Variants in ABLIM1 observed in about 807,000 individuals in gnomAD.
The protein encoded by ABLIM1 is actin-binding LIM protein 1.
A neutral mutation model predicts 107.0 loss-of-function variants in ABLIM1; 40 were observed. The observed-to-expected ratio is 0.37, with a 90% CI of 0.29 to 0.49. The LOEUF is 0.49. ABLIM1 is among the 20% of genes least tolerant of loss of function. The pLI, the probability that ABLIM1 is intolerant of heterozygous loss-of-function variation, is 0.97. For synonymous variants in ABLIM1, 357 were observed against 357.3 expected (o/e 1.00, Z 0.01); for missense variants, 857 against 1,008.5 (o/e 0.85, Z 2.04).
intron 6 of ABLIM1, among the ~76,000 whole-genome samples, chr10:114,540,738 A>G (rs982566808): frequency 1.3e-5 from 2 of 152,190 alleles, no homozygotes; most frequent in African/African-American, 4.8e-5. Flanking sequence ...CACCACACCT[A>G]GAGAGGCCTT....
chr10:114,495,545 C>T (rs377721531), intron 6 of ABLIM1, among the ~76,000 whole-genome samples: 2 of 151,804 alleles, frequency 1.3e-5, no homozygotes, highest in East Asian at 1.9e-4. Context: ...ACAGTGATGA[C>T]AACAATGAAG....
chr10:114,451,801 T>G, intron 13 of ABLIM1, 130 bp from the exon 14 acceptor site: 5 of 788,980 alleles, frequency 6.3e-6, no homozygotes, highest in Non-Finnish European at 8.3e-6. Context: ...ATTTCTGTAT[T>G]ACAAAGATTG....
At position 114,444,150 on chromosome 10, in the gene ABLIM1, A is replaced by T; in HGVS notation, c.1828-16T>A. ...CTGAGTTAAGCTATTCACAGAAAAA[A>T]GGAAAAAAAAAAAAAAAAGAAAGCA... On this transcript the variant is annotated splice_polypyrimidine_tract_variant and intron_variant, in intron 16 of 22. Coordinates refer to ENST00000533213, the MANE Select transcript of ABLIM1 (RefSeq NM_002313.7). 1 of 1,458,340 alleles carries T rather than the reference A, an allele frequency of 6.9e-7. No individual in the cohort carries two copies. Among genetic ancestry groups the T allele is most frequent in the Non-Finnish European group, 9.1e-7 (1 of 1,095,080 alleles). 90.3% of individuals were successfully genotyped at this position (1,458,340 alleles called of 1,614,324 possible). A position where few individuals can be genotyped will look rare whatever the true frequency, so the allele number is the denominator to read the frequency against.
intron 8 of ABLIM1, among the ~76,000 whole-genome samples, chr10:114,476,675 AT>A (rs2056476220): frequency 1.3e-5 from 2 of 150,484 alleles, no homozygotes; most frequent in South Asian, 2.1e-4. Flanking sequence ...AATAATAATA[AT>A]AATAAAGTGC....
chr10:114,471,980 T>C (rs1346494388), intron 10 of ABLIM1, among the ~76,000 whole-genome samples: 1 of 151,840 alleles, frequency 6.6e-6, no homozygotes, highest in Non-Finnish European at 1.5e-5. Flanking sequence ...CAGAGAACCT[T>C]CAACCCTGAG....
At chr10:114,517,620 G>A (rs954952188) in intron 6 of ABLIM1, among the ~76,000 whole-genome samples, 13 of 152,138 alleles carry the variant, frequency 8.5e-5, no homozygotes, top group African/African-American at 2.9e-4. Context: ...GCGGGGAGGG[G>A]GGCCACAGTA....
intron 15 of ABLIM1, among the ~76,000 whole-genome samples, chr10:114,447,186 G>A (rs902454100): frequency 6.6e-6 from 1 of 152,116 alleles, no homozygotes; most frequent in African/African-American, 2.4e-5. Context: ...TTTTTAGGCC[G>A]AGTAGGTTCA....
intron 1 of ABLIM1, among the ~76,000 whole-genome samples, chr10:114,763,104 T>C (rs2082788573): frequency 6.6e-6 from 1 of 152,198 alleles, no homozygotes. Flanking sequence ...CACTGAGTGA[T>C]TGCTTCTTTG....
rs193196336 is a variant in ABLIM1, at chr10:114,748,082, C to T, written c.-213+19979G>A. ...AGTCACTGAAAACAATAGCATATAA[C>T]ATCTGAATTACTGAACCACCAAATG... On this transcript the variant is annotated intron_variant, in intron 1 of 15. Coordinates refer to the ABLIM1 transcript ENST00000651092. Among the ~76,000 whole-genome samples the T allele has an allele frequency of 6.6e-5, 10 of 152,012 alleles. No individual in the cohort carries two copies. The East Asian group carries it at 9.7e-4, about 15-fold the overall frequency.
At chr10:114,779,359 TCCAGGGA>T in the ABLIM1 span, 1 of 152,210 alleles carries the variant, frequency 6.6e-6, no homozygotes, top group Non-Finnish European at 1.5e-5. Flanking sequence ...GTTGTCTGGT[TCCAGGGA>T]CCAGGCAGTT....
chr10:114,525,735 C>T (rs544539567), intron 6 of ABLIM1, among the ~76,000 whole-genome samples: 34 of 152,314 alleles, frequency 2.2e-4, no homozygotes, highest in South Asian at 1.9e-3. Flanking sequence ...GAGAGAAAAA[C>T]AGGCTCAGTT....
At chr10:114,526,974 A>G (rs2064877944) in intron 6 of ABLIM1, 1 of 985,304 alleles carries the variant, frequency 1.0e-6, no homozygotes, top group Non-Finnish European at 1.2e-6. Flanking sequence ...GGGCCAGTCC[A>G]TGTTCCCAAA....
At position 114,553,950 on chromosome 10, in the gene ABLIM1, T is replaced by C. The variant is rs181097080; in HGVS notation, c.674-6174A>G. Among the ~76,000 whole-genome samples, 18 of 152,262 alleles carry C rather than the reference T, an allele frequency of 1.2e-4. No individual in the cohort carries two copies. The East Asian group carries it at 1.7e-3, about 15-fold the overall frequency. ...GGATGGTACCCACACCCCAGCATCT[T>C]GATGAGTCCACCTGAGAAAGGTGCC... On this transcript the variant is annotated intron_variant, in intron 4 of 22. Coordinates refer to ENST00000533213, the MANE Select transcript of ABLIM1 (RefSeq NM_002313.7).
chr10:114,582,810 T>C (rs576381117), intron 2 of ABLIM1, among the ~76,000 whole-genome samples: 3 of 152,312 alleles, frequency 2.0e-5, no homozygotes, highest in East Asian at 1.9e-4. Flanking sequence ...GCTATCCATA[T>C]GCAGAAGAAT....
Position 114,435,372 on chromosome 10 carries a change from T to G in ABLIM1, c.*888A>C, listed in dbSNP as rs547440191. The G allele has an allele frequency of 5.3e-5, 8 of 152,338 alleles. No individual in the cohort carries two copies. Among genetic ancestry groups the G allele is most frequent in the African/African-American group, 1.9e-4 (8 of 41,570 alleles). 9.4% of individuals were successfully genotyped at this position (152,338 alleles called of 1,614,324 possible). A position where few individuals can be genotyped will look rare whatever the true frequency, so the allele number is the denominator to read the frequency against. ...TTGTTTTTTGCTTTTTGGTTTTTTT[T>G]GGCCATGAATGATATGGCCCCTATG... On this transcript the variant is annotated 3_prime_UTR_variant, in exon 23 of 23. Coordinates refer to ENST00000533213, the MANE Select transcript of ABLIM1 (RefSeq NM_002313.7).
the ABLIM1 span, among the ~76,000 whole-genome samples, chr10:114,791,030 T>TA: frequency 7.9e-5 from 12 of 151,830 alleles, no homozygotes; most frequent in South Asian, 2.1e-4. Context: ...TTATCCTTTT[T>TA]AAAAAAAAAT....
chr10:114,601,655 T>C (rs1272422904), intron 2 of ABLIM1, 172 bp downstream of exon 2: 1 of 1,084,752 alleles, frequency 9.2e-7, no homozygotes, highest in Non-Finnish European at 1.4e-6. Context: ...GCAGGACTCG[T>C]TCTCGCCCTA....
At chr10:114,444,734 A>T (rs532881949) in intron 16 of ABLIM1, among the ~76,000 whole-genome samples, 10 of 152,266 alleles carry the variant, frequency 6.6e-5, no homozygotes, top group Admixed American at 3.9e-4. Context: ...CTTAGAAAAC[A>T]TCATTTGAAA....
chr10:114,677,360 T>C lies in ABLIM1; in HGVS notation c.64+6930A>G, dbSNP rs143125196. On this transcript the variant is annotated intron_variant, in intron 1 of 23. Transcript: ENST00000369256. ...AAAACCCAGAAATACCTGAGAAAAG[T>C]ATAAAGCCTGAGAAAAATATTGATA... Among the ~76,000 whole-genome samples the C allele has an allele frequency of 2.2e-3, 328 of 152,278 alleles. 1 individual carries two copies. The highest frequency in any genetic ancestry group is 7.1e-3 in the African/African-American group (294 of 41,544).
Sources: gnomAD v4.1 joint callset for allele counts (sites outside exome capture counted in the v4.1 genomes callset) on GRCh38, gnomAD v4.1.1 for gene constraint, MANE v1.5 for transcripts, NCBI Gene and HGNC (gene_info 2026-07-23, HGNC 2026-07-21) for gene names.